DNAH6: variants seen among roughly 807,000 people sequenced by gnomAD.
DNAH6 encodes dynein axonemal heavy chain 6, also known as axonemal beta dynein heavy chain 6.
Under a neutral mutation model 491.4 loss-of-function variants are expected in DNAH6, and 340 were observed. The ratio of observed to expected loss-of-function variants is 0.69; its 90% CI spans 0.63 to 0.76. The LOEUF (loss-of-function observed/expected upper bound fraction) is 0.76. Among genes scored for constraint, DNAH6 ranks in the 30% least tolerant of loss-of-function variants. The pLI, the probability that DNAH6 is intolerant of heterozygous loss-of-function variation, is 0.00. For synonymous variants in DNAH6, 1,603 were observed against 1,686.1 expected, an observed-to-expected ratio of 0.95 and a Z score of 1.21; for missense variants, 4,443 against 4,972.2, an observed-to-expected ratio of 0.89 and a Z score of 3.20.
chr2:84,701,505 T>C (rs1356822630), intron 49 of DNAH6, among the ~76,000 whole-genome samples, 166 bp downstream of exon 49: 1 of 152,110 alleles, frequency 6.6e-6, no homozygotes, highest in Admixed American at 6.5e-5. Flanking sequence ...AGAAAAGAGA[T>C]GTAATTGGCT....
At position 84,812,384 on chromosome 2, in the gene DNAH6, T is replaced by C. The variant is rs1680077066; in HGVS notation, c.11783T>C (p.Val3928Ala). The C allele has an allele frequency of 6.4e-7, 1 of 1,551,884 alleles. No individual in the cohort carries two copies. The highest frequency in any genetic ancestry group is 2.0e-5 in the Admixed American group (1 of 50,988). ...AACAAAGCCATCGCTGGATTTGTGG[T>C]GATGTCTGAAGAAATGGAAAAAGTG... is the stretch of plus-strand genomic sequence containing the variant. The part of the protein sequence containing the change: ...TLNKAIAGFV[V>A]MSEEMEKVYN... Residue 3928 changes from valine (V) to alanine (A), a missense_variant, in exon 73 of 77, where the codon GTG becomes GCG. Around this residue, in one of 3 missense-constraint regions of DNAH6, gnomAD observed 1,463 missense variants for 1,656.6 expected, o/e 0.88. Transcript: ENST00000389394.
intron 17 of DNAH6, 68 bp from the exon 18 acceptor site, chr2:84,595,569 AAGTTTTTTT>A: frequency 1.5e-6 from 2 of 1,316,270 alleles, no homozygotes; most frequent in Non-Finnish European, 2.0e-6. Context: ...TAACTTTTAA[AAGTTTTTTT>A]AGTATTTCAA....
At chr2:84,769,621 GTCTGGTGGC>G (rs1437178986) in intron 64 of DNAH6, among the ~76,000 whole-genome samples, 1 of 152,156 alleles carries the variant, frequency 6.6e-6, no homozygotes, top group African/African-American at 2.4e-5. Context: ...GTTTTGGCCT[GTCTGGTGGC>G]TCTTTGAAGG....
chr2:84,486,323 G>A, the DNAH6 span, among the ~76,000 whole-genome samples: 11 of 152,142 alleles, frequency 7.2e-5, no homozygotes, highest in African/African-American at 2.7e-4. Flanking sequence ...CCACCAGTGG[G>A]GAATAAGCTT....
chr2:84,513,067 G>T, upstream of DNAH6, among the ~76,000 whole-genome samples: 1 of 147,896 alleles, frequency 6.8e-6, no homozygotes, highest in South Asian at 2.3e-4. Flanking sequence ...TTTTGTATGA[G>T]GTAGATTTTT....
intron 33 of DNAH6, among the ~76,000 whole-genome samples, chr2:84,651,625 G>T (rs1040017827): frequency 6.6e-6 from 1 of 151,746 alleles, no homozygotes; most frequent in Non-Finnish European, 1.5e-5. Flanking sequence ...GTGCCCATTG[G>T]CATTTCTAGA....
At position 84,535,334 on chromosome 2, in the gene DNAH6, G is replaced by T. The variant is rs150290310; in HGVS notation, c.662+6168G>T. Among the ~76,000 whole-genome samples, 327 of 151,958 alleles carry T rather than the reference G, an allele frequency of 2.2e-3. 2 individuals are homozygous for T. Among genetic ancestry groups the T allele is most frequent in the African/African-American group, 7.8e-3 (322 of 41,506 alleles). On this transcript the variant is annotated intron_variant, in intron 4 of 76. Coordinates refer to ENST00000389394, the MANE Select transcript of DNAH6 (RefSeq NM_001370.2). The stretch of plus-strand genomic sequence containing the variant: ...ATGAGAAATTAGGCAGCATAATTAG[G>T]ATTATCTCAAACTTAGATTTGTAAA...
At chr2:84,745,493 G>A (rs552169748) in intron 63 of DNAH6, among the ~76,000 whole-genome samples, 12 of 152,102 alleles carry the variant, frequency 7.9e-5, no homozygotes, top group East Asian at 5.8e-4. Context: ...GTGAAACCGC[G>A]TCTCTACTAA....
chr2:84,796,529 G>C lies in DNAH6; in HGVS notation c.11359+104G>C, dbSNP rs754274. 0.16 allele frequency: 155,471 copies of C among 963,352 alleles called. 14,608 individuals are homozygous for C. The highest frequency in any genetic ancestry group is 0.39 in the African/African-American group (22,962 of 58,742). 59.7% of individuals were successfully genotyped at this position (963,352 alleles called of 1,614,324 possible). On this transcript the variant is annotated intron_variant, in intron 69 of 76. Coordinates refer to ENST00000389394, the MANE Select transcript of DNAH6 (RefSeq NM_001370.2). ...GCTGTCTGTGTCAGGTCTCCACAAC[G>C]CTGTTATAGCCACACCCTATCCCCA...
the DNAH6 span, among the ~76,000 whole-genome samples, chr2:84,509,371 G>C: frequency 6.6e-6 from 1 of 152,256 alleles, no homozygotes; most frequent in South Asian, 2.1e-4. Flanking sequence ...TTTAAAGTCT[G>C]TTTTATCAGA....
At chr2:84,515,100 A>T (rs1232717473), upstream of DNAH6, among the ~76,000 whole-genome samples, 1 of 152,162 alleles carries the variant, frequency 6.6e-6, no homozygotes, top group East Asian at 1.9e-4. Flanking sequence ...GCTTGTTATT[A>T]TAACTTTATG....
intron 45 of DNAH6, among the ~76,000 whole-genome samples, chr2:84,693,237 A>T (rs1370238290): frequency 1.3e-5 from 2 of 151,792 alleles, no homozygotes; most frequent in African/African-American, 2.4e-5. Context: ...TAAGATTGCT[A>T]TCTTTTTTCT....
chr2:84,734,475 A>T (rs1017918004), intron 62 of DNAH6, among the ~76,000 whole-genome samples: 2 of 152,120 alleles, frequency 1.3e-5, no homozygotes, highest in Non-Finnish European at 2.9e-5. Flanking sequence ...TCTTATTTAT[A>T]ATTTAATTAC....
At chr2:84,500,632 T>C in the DNAH6 span, among the ~76,000 whole-genome samples, 6 of 152,308 alleles carry the variant, frequency 3.9e-5, no homozygotes, top group South Asian at 1.2e-3. Flanking sequence ...AGTATAGATA[T>C]TTTAACAATA....
At chr2:84,625,084 T>C (rs1008831832) in intron 29 of DNAH6, 21 bp downstream of exon 29, 6 of 1,487,656 alleles carry the variant, frequency 4.0e-6, no homozygotes, top group Non-Finnish European at 5.4e-6. Context: ...TGCATCTGAA[T>C]ATTAACATTA....
At chr2:84,599,448 G>T (rs754877778) in intron 18 of DNAH6, among the ~76,000 whole-genome samples, 1 of 151,874 alleles carries the variant, frequency 6.6e-6, no homozygotes, top group African/African-American at 2.4e-5. Context: ...TCTGTTAGAA[G>T]TTTAAAGGTT....
At chr2:84,564,166 C>A (rs1294452288) in intron 11 of DNAH6, among the ~76,000 whole-genome samples, 1 of 152,036 alleles carries the variant, frequency 6.6e-6, no homozygotes, top group Non-Finnish European at 1.5e-5. Flanking sequence ...GTTAGAATTG[C>A]TTTGGCTAGT....
chr2:84,722,809 G>A lies in DNAH6; in HGVS notation c.9972+5G>A, dbSNP rs1224769317. ...TCATTAAAATACTTTAAACAGGTAA[G>A]TGTGTTCATGTTGTTAATGACAGTC... On this transcript the variant is annotated splice_donor_5th_base_variant and intron_variant, in intron 60 of 76. Transcript: ENST00000389394. 4 of 1,444,544 alleles carry A rather than the reference G, an allele frequency of 2.8e-6. No homozygotes were observed. Among genetic ancestry groups the A allele is most frequent in the Non-Finnish European group, 3.7e-6 (4 of 1,090,666 alleles). 89.5% of individuals were successfully genotyped at this position (1,444,544 alleles called of 1,614,324 possible).
chr2:84,612,717 G>A (rs888227402), intron 22 of DNAH6, among the ~76,000 whole-genome samples: 17 of 151,808 alleles, frequency 1.1e-4, no homozygotes, highest in Non-Finnish European at 1.0e-4. Context: ...TGACCTTCCC[G>A]CCTCCTGCTT....
Sources: gnomAD v4.1 joint callset for allele counts (sites outside exome capture counted in the v4.1 genomes callset) on GRCh38, gnomAD v4.1.1 for gene constraint, gnomAD v4.1.1 regional missense constraint, MANE v1.5 for transcripts, NCBI Gene and HGNC (gene_info 2026-07-23, HGNC 2026-07-21) for gene names.